The following MYO1A variants were observed in gnomAD, a reference collection of about 807,000 sequenced individuals.
MYO1A encodes unconventional myosin-Ia.
In MYO1A, 127 loss-of-function variants were observed where a neutral mutation model predicts 138.5. The ratio of observed to expected loss-of-function variants is 0.92; its 90% CI spans 0.79 to 1.06. MYO1A has a LOEUF of 1.06. Ranked by LOEUF, MYO1A falls within the 50% of genes least tolerant of loss-of-function variation. The pLI is 0.00. For missense variants in MYO1A, 1,211 were observed against 1,288.8 expected (o/e 0.94, Z 0.92); for synonymous variants, 477 against 497.5 (o/e 0.96, Z 0.55).
At position 57,029,423 on chromosome 12, in the gene MYO1A, C is replaced by G; in HGVS notation, c.2877+12G>C. ...TCTCCAGTCCAAGGCTTGCCCCACCCAGCTCTGATACCTCACTCAGATGCA... is the reference window on the plus strand; with the variant it reads ...TCTCCAGTCCAAGGCTTGCCCCACCGAGCTCTGATACCTCACTCAGATGCA... On this transcript the variant is annotated intron_variant, in intron 26 of 27. Coordinates refer to ENST00000300119, the MANE Select transcript of MYO1A (RefSeq NM_005379.4). 1 of 1,614,070 alleles carries G rather than the reference C, an allele frequency of 6.2e-7. No homozygotes were observed. Among genetic ancestry groups the G allele is most frequent in the South Asian group, 1.1e-5 (1 of 91,072 alleles).
Position 57,046,939 on chromosome 12 carries a change from A to T in MYO1A, c.478-13T>A. The T allele has an allele frequency of 6.2e-7, 1 of 1,613,786 alleles. No homozygotes were observed. Among genetic ancestry groups the T allele is most frequent in the Admixed American group, 1.7e-5 (1 of 59,992 alleles). The stretch of plus-strand genomic sequence containing the variant: ...CCATGTATTTTCCCTTCAGAGAGAG[A>T]CCAGAGAGAGAGACTTAGCTTCTTC... On this transcript the variant is annotated splice_polypyrimidine_tract_variant and intron_variant, in intron 6 of 27. Coordinates refer to ENST00000300119, the MANE Select transcript of MYO1A (RefSeq NM_005379.4).
intron 14 of MYO1A, among the ~76,000 whole-genome samples, chr12:57,039,805 T>A (rs1234404338): frequency 2.0e-5 from 3 of 152,236 alleles, no homozygotes; most frequent in African/African-American, 7.2e-5. Context: ...ACTCCCCAAG[T>A]TTCTGATTCA....
At chr12:57,046,715 A>AGGG in intron 7 of MYO1A, 65 bp from the exon 8 acceptor site, 1 of 1,486,878 alleles carries the variant, frequency 6.7e-7, no homozygotes, top group Non-Finnish European at 9.4e-7. Flanking sequence ...CTCCAGCCCT[A>AGGG]CTGGAGAATG....
chr12:57,039,169 G>A (rs1224631309), intron 15 of MYO1A, 43 bp downstream of exon 15: 1 of 1,593,922 alleles, frequency 6.3e-7, no homozygotes, highest in Non-Finnish European at 8.6e-7. Flanking sequence ...TGTTCAGGCA[G>A]TCTGGAAGGG....
chr12:57,029,290 G>T (rs767729889), intron 26 of MYO1A, 31 bp from the exon 27 acceptor site: 3 of 1,613,722 alleles, frequency 1.9e-6, no homozygotes, highest in Non-Finnish European at 1.7e-6. Flanking sequence ...GCAGGAAAGG[G>T]ATTCATTTTT....
Position 57,047,725 on chromosome 12 carries a change from G to C in MYO1A, c.231-4C>G, listed in dbSNP as rs1565648622. Reference sequence around the variant, plus strand: ...CGCCACATTTGCCAATGCGTAGCTTGTGGGGAGGAAGTGGGCAATGACTAT... The same window carrying C: ...CGCCACATTTGCCAATGCGTAGCTTCTGGGGAGGAAGTGGGCAATGACTAT... On this transcript the variant is annotated splice_polypyrimidine_tract_variant and splice_region_variant and intron_variant, in intron 3 of 27. Coordinates refer to ENST00000300119, the MANE Select transcript of MYO1A (RefSeq NM_005379.4). 2 of 1,614,168 alleles carry C rather than the reference G, an allele frequency of 1.2e-6. No homozygotes were observed. The highest frequency in any genetic ancestry group is 2.7e-5 in the African/African-American group (2 of 75,060).
In MYO1A at chr12:57,043,288, G is replaced by A. The variant is rs774948817; in HGVS notation, c.963C>T (p.Thr321=). The change falls in exon 11 of 28, where the codon ACC becomes ACT. Residue 321 remains threonine, a synonymous_variant. Coordinates refer to ENST00000300119, the MANE Select transcript of MYO1A (RefSeq NM_005379.4). Reference sequence around the variant, plus strand: ...CCACCTTTTCCTTGGCTGTTTCCATGGTCCTCGAGCACAAAGCTCTCTCTA... The same window carrying A: ...CCACCTTTTCCTTGGCTGTTTCCATAGTCCTCGAGCACAAAGCTCTCTCTA... ...EEVERALCSR[T]METAKEKVVT... 131 of 1,614,020 alleles carry A rather than the reference G, an allele frequency of 8.1e-5. No individual in the cohort carries two copies. The highest frequency in any genetic ancestry group is 1.1e-4 in the Non-Finnish European group (129 of 1,180,032).
rs768922103 is a variant in MYO1A, at chr12:57,038,396, C to A, written c.1760+16G>T. ...ATCACATATGTAGCATGTTCCCCTGCATGCCAGCATGTCACCTGATGTAGT... is the reference window on the plus strand; with the variant it reads ...ATCACATATGTAGCATGTTCCCCTGAATGCCAGCATGTCACCTGATGTAGT... On this transcript the variant is annotated intron_variant, in intron 17 of 27. Transcript: ENST00000300119. The A allele has an allele frequency of 3.7e-6, 6 of 1,613,122 alleles. No individual in the cohort carries two copies. The highest frequency in any genetic ancestry group is 5.1e-6 in the Non-Finnish European group (6 of 1,179,088).
At chr12:57,040,977 C>G (rs1203842059) in intron 14 of MYO1A, among the ~76,000 whole-genome samples, 1 of 152,188 alleles carries the variant, frequency 6.6e-6, no homozygotes, top group Non-Finnish European at 1.5e-5. Flanking sequence ...CACATGTACC[C>G]TGGGAGGCCA....
rs2030128271 is a variant in MYO1A at position 57,029,127 on chromosome 12, C to T, written c.3005+5G>A. ...CCGCCCCTCACCCCCAGTTCATGGC[C>T]TCACTTCTCAGTCACGGTGACTGTA... On this transcript the variant is annotated splice_donor_5th_base_variant and intron_variant, in intron 27 of 27. Transcript: ENST00000300119. 3 of 1,614,008 alleles carry T rather than the reference C, an allele frequency of 1.9e-6. No homozygotes were observed. The African/African-American group carries it at 4.0e-5, about 22-fold the overall frequency.
At chr12:57,031,415 C>T (rs2030280480) in intron 22 of MYO1A, among the ~76,000 whole-genome samples, 1 of 152,134 alleles carries the variant, frequency 6.6e-6, no homozygotes, top group African/African-American at 2.4e-5. Flanking sequence ...TTAGTTCCAA[C>T]CAAAGACCTG....
chr12:57,033,084 T>G (rs1026749667), intron 22 of MYO1A, among the ~76,000 whole-genome samples: 3 of 152,118 alleles, frequency 2.0e-5, no homozygotes, highest in African/African-American at 7.2e-5. Context: ...GTTATAGATA[T>G]CATGACATTT....
At position 57,044,227 on chromosome 12, in the gene MYO1A, G is replaced by A; in HGVS notation, c.641-18C>T. 6.2e-7 allele frequency: 1 copy of A among 1,605,010 alleles called. No homozygotes were observed. The highest frequency in any genetic ancestry group is 1.1e-5 in the South Asian group (1 of 90,492). Reference sequence around the variant, plus strand: ...CAGGGCCTCTGGGAGGGCCAGTGTTGGGGAAGATGGTTAGTACCCAGGCTC... The same window carrying A: ...CAGGGCCTCTGGGAGGGCCAGTGTTAGGGAAGATGGTTAGTACCCAGGCTC... On this transcript the variant is annotated intron_variant, in intron 8 of 27. Coordinates refer to ENST00000300119, the MANE Select transcript of MYO1A (RefSeq NM_005379.4).
At chr12:57,046,729 C>A (rs907266281) in intron 7 of MYO1A, 79 bp from the exon 8 acceptor site, 44 of 1,469,896 alleles carry the variant, frequency 3.0e-5, no homozygotes, top group Non-Finnish European at 3.4e-5. Context: ...GAGAATGCCC[C>A]CATCGCCGGC....
intron 14 of MYO1A, among the ~76,000 whole-genome samples, chr12:57,040,760 T>A (rs1226168627): frequency 6.6e-6 from 1 of 152,108 alleles, no homozygotes; most frequent in African/African-American, 2.4e-5. Flanking sequence ...GTACTTCTGG[T>A]GAGGAAGTCT....
chr12:57,038,670 C>A (rs756257570), intron 16 of MYO1A, 32 bp from the exon 17 acceptor site: 1 of 1,611,320 alleles, frequency 6.2e-7, no homozygotes, highest in African/African-American at 1.3e-5. Context: ...TTTGGAGACC[C>A]CACAACCTTG....
At position 57,040,474 on chromosome 12, in the gene MYO1A, T is replaced by C. The variant is rs2030808797; in HGVS notation, c.1269+710A>G. On this transcript the variant is annotated intron_variant, in intron 14 of 27. Transcript: ENST00000300119. ...TAGGAGGGAAACTTTCCTTATATACTTTCTAAGCTTTTTGAATTTTGAAGC... is the reference window on the plus strand; with the variant it reads ...TAGGAGGGAAACTTTCCTTATATACCTTCTAAGCTTTTTGAATTTTGAAGC... Among the ~76,000 whole-genome samples the C allele has an allele frequency of 2.0e-5, 3 of 152,218 alleles. 1 individual carries two copies. The highest frequency in any genetic ancestry group is 2.0e-4 in the Admixed American group (3 of 15,282).
Position 57,037,101 on chromosome 12 carries a change from G to T in MYO1A, c.2056-10C>A. ...CTTCGAGGTAGAAAAGCTGTGGAGA[G>T]GTGGAAGGGGGTGACAGAGAGACTG... On this transcript the variant is annotated splice_polypyrimidine_tract_variant and intron_variant, in intron 19 of 27. Transcript: ENST00000300119. 1 of 1,613,984 alleles carries T rather than the reference G, an allele frequency of 6.2e-7. No homozygotes were observed.
intron 14 of MYO1A, 199 bp from the exon 15 acceptor site, chr12:57,039,473 A>T: frequency 1.6e-6 from 1 of 609,574 alleles, no homozygotes; most frequent in South Asian, 1.8e-5. Context: ...AGACAGACAC[A>T]CGGAAGGAAT....
Sources: gnomAD v4.1 joint callset for allele counts (sites outside exome capture counted in the v4.1 genomes callset) on GRCh38, gnomAD v4.1.1 for gene constraint, MANE v1.5 for transcripts, NCBI Gene and HGNC (gene_info 2026-07-23, HGNC 2026-07-21) for gene names.